The following RAPGEF4 variants were observed in gnomAD, a reference collection of about 807,000 sequenced individuals.
The protein encoded by RAPGEF4 is Rap guanine nucleotide exchange factor 4.
Under a neutral mutation model 147.9 loss-of-function variants are expected in RAPGEF4, and 66 were observed. That is an observed-to-expected ratio of 0.45 (90% confidence interval 0.37 to 0.55). The LOEUF (loss-of-function observed/expected upper bound fraction) is 0.55. Among genes scored for constraint, RAPGEF4 ranks in the 20% least tolerant of loss-of-function variants. RAPGEF4 has a pLI of 0.00. For synonymous variants in RAPGEF4, 419 were observed against 442.7 expected (o/e 0.95, Z 0.67); for missense variants, 1,071 against 1,257.3 (o/e 0.85, Z 2.24).
At chr2:173,039,229 G>T (rs1416462723) in intron 29 of RAPGEF4, among the ~76,000 whole-genome samples, 1 of 151,878 alleles carries the variant, frequency 6.6e-6, no homozygotes, top group Non-Finnish European at 1.5e-5. Context: ...AGGCCGAGGC[G>T]GGTGGATCAC....
At chr2:172,797,800 G>T (rs151286616) in intron 3 of RAPGEF4, among the ~76,000 whole-genome samples, 187 bp downstream of exon 3, 5 of 152,256 alleles carry the variant, frequency 3.3e-5, no homozygotes, top group African/African-American at 9.6e-5. Context: ...TGTCTTCCCT[G>T]ATTTGAGTAT....
intron 4 of RAPGEF4, among the ~76,000 whole-genome samples, chr2:172,878,262 C>A (rs1044543225): frequency 1.3e-5 from 2 of 152,168 alleles, no homozygotes; most frequent in Non-Finnish European, 2.9e-5. Flanking sequence ...AAGGTTACCT[C>A]CCCTAATCAT....
At chr2:172,937,084 G>A (rs1686668165) in intron 6 of RAPGEF4, among the ~76,000 whole-genome samples, 1 of 148,180 alleles carries the variant, frequency 6.7e-6, no homozygotes, top group Non-Finnish European at 1.5e-5. Context: ...AGTCAGGCAT[G>A]GTGGTACCTG....
intron 3 of RAPGEF4, 140 bp from the exon 4 acceptor site, chr2:172,814,139 A>G: frequency 1.2e-6 from 1 of 827,948 alleles, no homozygotes; most frequent in South Asian, 1.7e-5. Flanking sequence ...ACTCCGGTAT[A>G]TATATTTGTC....
chr2:172,796,189 G>A (rs1481376028), intron 2 of RAPGEF4, among the ~76,000 whole-genome samples: 3 of 152,086 alleles, frequency 2.0e-5, no homozygotes, highest in Non-Finnish European at 4.4e-5. Context: ...TAGACAAGAG[G>A]GCATGAGTGT....
intron 4 of RAPGEF4, among the ~76,000 whole-genome samples, chr2:172,859,072 G>C (rs1159639002): frequency 6.6e-6 from 1 of 152,152 alleles, no homozygotes; most frequent in African/African-American, 2.4e-5. Context: ...AAATGGGTGT[G>C]TTAAATTTGT....
At chr2:172,837,834 G>T (rs1451891658) in intron 4 of RAPGEF4, among the ~76,000 whole-genome samples, 1 of 152,162 alleles carries the variant, frequency 6.6e-6, no homozygotes, top group Admixed American at 6.5e-5. Flanking sequence ...AAAGTGCTGA[G>T]ATCACAGGTG....
At chr2:172,811,781 C>T (rs1688048331) in intron 3 of RAPGEF4, among the ~76,000 whole-genome samples, 1 of 152,196 alleles carries the variant, frequency 6.6e-6, no homozygotes, top group Non-Finnish European at 1.5e-5. Flanking sequence ...TCTTAATCTA[C>T]CTTTCATCAT....
chr2:172,819,461 C>CTTTTTTTTTTTTTTTTTTTT lies in RAPGEF4; in HGVS notation c.444+5039_444+5058dup, dbSNP rs1242605865. ...AAGTCTTAGAATACCATTTTTAGTT[C>CTTTTTTTTTTTTTTTTTTTT]TTTTTTTTTTTTTTTTTTTTTTGAG... On this transcript the variant is annotated intron_variant, in intron 4 of 30. Coordinates refer to ENST00000397081, the MANE Select transcript of RAPGEF4 (RefSeq NM_007023.4). 2.3e-5 allele frequency among the ~76,000 whole-genome samples: 2 copies of CTTTTTTTTTTTTTTTTTTTT among 87,008 alleles called. 1 individual carries two copies. Among genetic ancestry groups the CTTTTTTTTTTTTTTTTTTTT allele is most frequent in the African/African-American group, 9.3e-5 (2 of 21,572 alleles). 57.1% of individuals were successfully genotyped at this position (87,008 alleles called of 152,430 possible). A position where few individuals can be genotyped will look rare whatever the true frequency, so the allele number is the denominator to read the frequency against.
intron 29 of RAPGEF4, among the ~76,000 whole-genome samples, chr2:173,041,830 T>G (rs1684798265): frequency 6.6e-6 from 1 of 152,176 alleles, no homozygotes; most frequent in East Asian, 1.9e-4. Flanking sequence ...TGCCTGAAAT[T>G]GTCTTCCCCC....
chr2:172,939,487 G>T (rs1686931767), intron 6 of RAPGEF4, among the ~76,000 whole-genome samples: 1 of 152,000 alleles, frequency 6.6e-6, no homozygotes. Flanking sequence ...AAAAAATTTG[G>T]TTCTTTTCTT....
At chr2:172,928,960 G>A (rs1685647310) in intron 6 of RAPGEF4, among the ~76,000 whole-genome samples, 1 of 152,138 alleles carries the variant, frequency 6.6e-6, no homozygotes, top group African/African-American at 2.4e-5. Context: ...CATGTTATTA[G>A]TAATGTACAC....
chr2:173,010,038 G>A (rs1288661719), intron 17 of RAPGEF4, among the ~76,000 whole-genome samples: 1 of 152,198 alleles, frequency 6.6e-6, no homozygotes, highest in African/African-American at 2.4e-5. Flanking sequence ...AGAGAACTGA[G>A]TTCTAGTTCC....
intron 27 of RAPGEF4, 62 bp from the exon 28 acceptor site, chr2:173,036,063 A>T: frequency 8.3e-7 from 1 of 1,206,190 alleles, no homozygotes; most frequent in Non-Finnish European, 1.2e-6. Flanking sequence ...GTGTATTAGG[A>T]GGTAACAAAG....
intron 1 of RAPGEF4, among the ~76,000 whole-genome samples, chr2:172,751,731 GAGGTA>G (rs1462247401): frequency 1.3e-5 from 2 of 152,324 alleles, no homozygotes; most frequent in African/African-American, 4.8e-5. Context: ...ATAGGTGGAT[GAGGTA>G]TTTTACAGAA....
chr2:172,953,312 T>C (rs1688403502), intron 6 of RAPGEF4, among the ~76,000 whole-genome samples: 1 of 147,726 alleles, frequency 6.8e-6, no homozygotes, highest in East Asian at 1.9e-4. Context: ...TATATAATAG[T>C]TCTCTATATA....
intron 4 of RAPGEF4, among the ~76,000 whole-genome samples, chr2:172,866,768 A>G (rs1694693909): frequency 6.6e-6 from 1 of 151,904 alleles, no homozygotes; most frequent in Non-Finnish European, 1.5e-5. Context: ...TCTCTCAAAC[A>G]TGTTCTATCA....
intron 4 of RAPGEF4, among the ~76,000 whole-genome samples, chr2:172,861,964 C>CA (rs1283325919): frequency 6.6e-6 from 1 of 152,040 alleles, no homozygotes; most frequent in East Asian, 1.9e-4. Context: ...CCACTGCCAG[C>CA]AAAAAAGACC....
At chr2:172,979,132 C>T (rs1691406457) in intron 10 of RAPGEF4, among the ~76,000 whole-genome samples, 1 of 152,218 alleles carries the variant, frequency 6.6e-6, no homozygotes, top group Admixed American at 6.5e-5. Context: ...CCATCATTTT[C>T]ACATCTCCTC....
Sources: gnomAD v4.1 joint callset for allele counts (sites outside exome capture counted in the v4.1 genomes callset) on GRCh38, gnomAD v4.1.1 for gene constraint, MANE v1.5 for transcripts, NCBI Gene and HGNC (gene_info 2026-07-23, HGNC 2026-07-21) for gene names.